The following MMP26 variants were observed in gnomAD, a reference collection of about 807,000 sequenced individuals.
MMP26 encodes the protein matrix metalloproteinase-26.
MMP26 carries 33 observed loss-of-function variants against 31.0 expected under a neutral mutation model. That is an observed-to-expected ratio of 1.06 (90% confidence interval 0.81 to 1.42). MMP26 has a LOEUF of 1.42. Ranked by LOEUF, MMP26 falls within the 40% of genes most tolerant of loss-of-function variation. The pLI is 0.00. For synonymous variants in MMP26, 122 were observed against 114.9 expected (o/e 1.06, Z -0.40); for missense variants, 347 against 316.1 (o/e 1.10, Z -0.74).
At chr11:4,931,948 T>G (rs1485570634) in intron 2 of MMP26, among the ~76,000 whole-genome samples, 7 of 152,068 alleles carry the variant, frequency 4.6e-5, no homozygotes, top group Non-Finnish European at 1.0e-4. Flanking sequence ...ACACGTTCGG[T>G]TCTTTTCTAC....
intron 2 of MMP26, among the ~76,000 whole-genome samples, chr11:4,868,645 A>G (rs962560707): frequency 1.3e-5 from 2 of 152,184 alleles, no homozygotes; most frequent in Admixed American, 6.5e-5. Context: ...ACACTGCCCA[A>G]CGTAATTTAC....
intron 2 of MMP26, among the ~76,000 whole-genome samples, chr11:4,795,451 G>A (rs193060615): frequency 6.6e-6 from 1 of 152,166 alleles, no homozygotes; most frequent in East Asian, 1.9e-4. Context: ...CAAGTGATTA[G>A]AAAATTGTCT....
At chr11:4,864,163 T>C in intron 2 of MMP26, among the ~76,000 whole-genome samples, 1 of 152,124 alleles carries the variant, frequency 6.6e-6, no homozygotes, top group Non-Finnish European at 1.5e-5. Flanking sequence ...ATCAGGAACA[T>C]ATAAAAAAAA....
At chr11:4,769,660 G>T (rs117939637) in intron 2 of MMP26, 1 of 1,612,680 alleles carries the variant, frequency 6.2e-7, no homozygotes, top group Non-Finnish European at 8.5e-7. Flanking sequence ...CAAACCAGAG[G>T]ATACCTAATG....
rs372747926 is a variant in MMP26 at position 4,923,524 on chromosome 11, G to A, written c.-144-64544G>A. On this transcript the variant is annotated intron_variant, in intron 2 of 7. Transcript: ENST00000380390. Reference sequence around the variant, plus strand: ...CATAGGACATGAAGAGGTGTACAACGCGGGGCAGATGTTCACCAAAGCGAT... The same window carrying A: ...CATAGGACATGAAGAGGTGTACAACACGGGGCAGATGTTCACCAAAGCGAT... 3.0e-5 allele frequency: 48 copies of A among 1,613,980 alleles called. No homozygotes were observed. The East Asian group carries it at 3.8e-4, about 13-fold the overall frequency.
At chr11:4,808,546 T>C (rs900633182) in intron 2 of MMP26, among the ~76,000 whole-genome samples, 42 of 152,070 alleles carry the variant, frequency 2.8e-4, no homozygotes, top group African/African-American at 9.7e-4. Context: ...TCTCCTGTTC[T>C]GCACCCTCCT....
At chr11:4,892,627 G>C (rs1218328623) in intron 2 of MMP26, among the ~76,000 whole-genome samples, 1 of 152,132 alleles carries the variant, frequency 6.6e-6, no homozygotes, top group Non-Finnish European at 1.5e-5. Flanking sequence ...ATTTCCATTT[G>C]ACTAAACTGA....
At chr11:4,871,897 C>T (rs1850316003) in intron 2 of MMP26, 1 of 152,118 alleles carries the variant, frequency 6.6e-6, no homozygotes, top group South Asian at 2.1e-4. Context: ...CCAGTTCACC[C>T]TTTTACCTGT....
intron 2 of MMP26, chr11:4,769,619 A>T: frequency 6.2e-7 from 1 of 1,609,856 alleles, no homozygotes; most frequent in Non-Finnish European, 8.5e-7. Flanking sequence ...CATCTGGACA[A>T]TGCAGCTATA....
intron 2 of MMP26, among the ~76,000 whole-genome samples, chr11:4,818,312 C>T (rs751400849): frequency 3.2e-4 from 49 of 152,038 alleles, no homozygotes; most frequent in Non-Finnish European, 5.6e-4. Context: ...TTTATTTCTT[C>T]AGCTAGTTTG....
chr11:4,837,713 C>T (rs183412729), intron 2 of MMP26, among the ~76,000 whole-genome samples: 1 of 151,392 alleles, frequency 6.6e-6, no homozygotes, highest in Admixed American at 6.6e-5. Flanking sequence ...GTAATAAAAA[C>T]CATTATATAC....
At chr11:4,755,469 T>C (rs1848494675) in intron 1 of MMP26, among the ~76,000 whole-genome samples, 1 of 152,004 alleles carries the variant, frequency 6.6e-6, no homozygotes, top group African/African-American at 2.4e-5. Flanking sequence ...ATAGGATGCT[T>C]AACTATAAAG....
intron 2 of MMP26, among the ~76,000 whole-genome samples, chr11:4,872,875 A>T (rs1850329796): frequency 1.3e-5 from 2 of 152,060 alleles, no homozygotes; most frequent in African/African-American, 4.8e-5. Flanking sequence ...ACTATTATTT[A>T]GATAGACAGA....
intron 2 of MMP26, among the ~76,000 whole-genome samples, chr11:4,959,606 C>T (rs1027102048): frequency 2.0e-5 from 3 of 152,118 alleles, no homozygotes; most frequent in Admixed American, 6.5e-5. Flanking sequence ...TGCTTCCATA[C>T]CATTGCTTCA....
intron 2 of MMP26, among the ~76,000 whole-genome samples, chr11:4,778,158 TG>T (rs1848812823): frequency 6.6e-6 from 1 of 152,102 alleles, no homozygotes; most frequent in African/African-American, 2.4e-5. Flanking sequence ...TCCTTTCTTA[TG>T]GGTGTTCACT....
intron 2 of MMP26, among the ~76,000 whole-genome samples, chr11:4,781,737 A>G (rs934479083): frequency 6.6e-6 from 1 of 152,134 alleles, no homozygotes; most frequent in African/African-American, 2.4e-5. Flanking sequence ...CTCATCTTGT[A>G]GCTCCCATAA....
At chr11:4,882,052 C>T in intron 2 of MMP26, 1 of 1,613,834 alleles carries the variant, frequency 6.2e-7, no homozygotes, top group South Asian at 1.1e-5. Context: ...TTCTTGTCAT[C>T]ATTACTAAGC....
intron 2 of MMP26, among the ~76,000 whole-genome samples, chr11:4,853,802 G>A (rs985703619): frequency 1.3e-5 from 2 of 152,058 alleles, no homozygotes; most frequent in African/African-American, 4.8e-5. Context: ...GAAGTAGAGT[G>A]TAATCTTGAT....
At chr11:4,788,450 G>A (rs987781556) in intron 2 of MMP26, among the ~76,000 whole-genome samples, 5 of 152,066 alleles carry the variant, frequency 3.3e-5, no homozygotes, top group African/African-American at 9.7e-5. Flanking sequence ...CTTCTAAGAA[G>A]CAAAAGCTCA....
Sources: gnomAD v4.1 joint callset for allele counts (sites outside exome capture counted in the v4.1 genomes callset) on GRCh38, gnomAD v4.1.1 for gene constraint, MANE v1.5 for transcripts, NCBI Gene and HGNC (gene_info 2026-07-23, HGNC 2026-07-21) for gene names.